Variants in ACLY observed in about 807,000 individuals in gnomAD.
The protein encoded by ACLY is ATP-citrate synthase.
Under a neutral mutation model 133.0 loss-of-function variants are expected in ACLY, and 41 were observed. That is an observed-to-expected ratio of 0.31 (90% CI 0.24 to 0.40). The LOEUF (loss-of-function observed/expected upper bound fraction) is 0.40. ACLY is among the 10% of genes least tolerant of loss of function. ACLY has a pLI of 1.00. For synonymous variants in ACLY, 495 were observed against 549.3 expected, an observed-to-expected ratio of 0.90 and a Z score of 1.38; for missense variants, 1,046 against 1,453.8, an observed-to-expected ratio of 0.72 and a Z score of 4.56.
chr17:41,868,671 TA>T (rs375623224), intron 28 of ACLY, 37 bp downstream of exon 28: 264 of 1,476,096 alleles, frequency 1.8e-4, no homozygotes, highest in South Asian at 4.6e-4. Flanking sequence ...CCGTGGGGTT[TA>T]AAAAAAAACA....
At chr17:41,922,387 A>G (rs2144454784), upstream of ACLY, among the ~76,000 whole-genome samples, 1 of 151,424 alleles carries the variant, frequency 6.6e-6, no homozygotes, top group Middle Eastern at 3.4e-3. Flanking sequence ...AAAAAAAAAA[A>G]AAAAAGATGC....
intron 22 of ACLY, among the ~76,000 whole-genome samples, chr17:41,875,950 A>G (rs1171541766): frequency 6.8e-6 from 1 of 146,924 alleles, no homozygotes; most frequent in Non-Finnish European, 1.5e-5. Flanking sequence ...CCAGTCTGGA[A>G]AGTGAGGAGC....
At position 41,889,561 on chromosome 17, in the gene ACLY, T is replaced by TAGC. The variant is rs2049150834; in HGVS notation, c.1771-1861_1771-1859dup. 2.0e-4 allele frequency among the ~76,000 whole-genome samples: 6 copies of TAGC among 29,534 alleles called. No individual in the cohort carries two copies. The South Asian group carries it at 8.1e-3, about 40-fold the overall frequency. The allele number at this position is 29,534 out of a possible 152,430, so 19.4% of individuals were successfully genotyped here. ...AAAAAAAAAAAAAAAAAAAAAGAAG[T>TAGC]AGCTCATTTTCAGCAAATGTATTTT... is the stretch of plus-strand genomic sequence containing the variant. On this transcript the variant is annotated intron_variant, in intron 16 of 28. Coordinates refer to ENST00000352035, the MANE Select transcript of ACLY (RefSeq NM_001096.3).
At chr17:41,907,166 C>T (rs1304225637) in intron 7 of ACLY, among the ~76,000 whole-genome samples, 2 of 152,024 alleles carry the variant, frequency 1.3e-5, no homozygotes, top group Non-Finnish European at 2.9e-5. Context: ...AGGATTAAGG[C>T]GAGACACTTG....
chr17:41,879,891 A>G (rs1278605943), intron 20 of ACLY, among the ~76,000 whole-genome samples: 1 of 151,204 alleles, frequency 6.6e-6, no homozygotes, highest in Non-Finnish European at 1.5e-5. Context: ...GCCTGGCTAA[A>G]AGTTTTTTGT....
intron 1 of ACLY, 101 bp downstream of exon 1, chr17:41,918,779 C>T (rs2050124708): frequency 8.0e-7 from 1 of 1,249,964 alleles, no homozygotes; most frequent in Non-Finnish European, 1.0e-6. Context: ...GCGTGGGCAC[C>T]GAGCCCGCGT....
chr17:41,884,236 T>C lies in ACLY; in HGVS notation c.2111A>G (p.Tyr704Cys), dbSNP rs782683248. The C allele has an allele frequency of 3.7e-6, 6 of 1,612,966 alleles. No homozygotes were observed. The South Asian group carries it at 5.5e-5, about 15-fold the overall frequency. The change falls in exon 19 of 29, where the codon TAT becomes TGT. Residue 704 changes from tyrosine (Y) to cysteine (C), a missense_variant. Coordinates refer to ENST00000352035, the MANE Select transcript of ACLY (RefSeq NM_001096.3). Reference sequence around the variant, plus strand: ...CATTTTGACTCCTGGAGTGTCCTGATAGCGTAACACATGATCCATGAATGT... The same window carrying C: ...CATTTTGACTCCTGGAGTGTCCTGACAGCGTAACACATGATCCATGAATGT... Reference protein sequence around the residue: ...GSTFMDHVLRYQDTPGVKMIV... With the variant: ...GSTFMDHVLRCQDTPGVKMIV...
At chr17:41,889,524 CAAAAAAAAAAAAAAAAAAA>C (rs533387140) in intron 16 of ACLY, among the ~76,000 whole-genome samples, 2 of 31,600 alleles carry the variant, frequency 6.3e-5, no homozygotes, top group Non-Finnish European at 9.6e-5. Flanking sequence ...CTCCATTTCA[CAAAAAAAAAAAAAAAAAAA>C]AAAAAAAAAA....
At chr17:41,910,364 G>C (rs2049866087) in intron 3 of ACLY, 80 bp from the exon 4 acceptor site, 2 of 1,315,222 alleles carry the variant, frequency 1.5e-6, no homozygotes, top group Admixed American at 4.0e-5. Context: ...CTGCACAGGG[G>C]TGGTGCCCAA....
At chr17:41,879,042 A>C (rs1366060655) in intron 20 of ACLY, 118 bp from the exon 21 acceptor site, 577 of 1,237,600 alleles carry the variant, frequency 4.7e-4, no homozygotes, top group Non-Finnish European at 6.1e-4. Flanking sequence ...AAGCAAGCTC[A>C]CTGAATAGGT....
chr17:41,877,309 T>G (rs2048787491), intron 22 of ACLY, among the ~76,000 whole-genome samples: 1 of 151,766 alleles, frequency 6.6e-6, no homozygotes, highest in African/African-American at 2.4e-5. Context: ...CCTGGCTAAT[T>G]TTTGTATTTT....
rs782522922 is a variant in ACLY, at chr17:41,883,245, G to A, written c.2155-13C>T. The stretch of plus-strand genomic sequence containing the variant: ...CAGTGCCCCCAATCTGCCAAGGAAT[G>A]GGGAATGAGAAAAAGCCAAGTTAGT... On this transcript the variant is annotated splice_polypyrimidine_tract_variant and intron_variant, in intron 19 of 28. Coordinates refer to ENST00000352035, the MANE Select transcript of ACLY (RefSeq NM_001096.3). 1.2e-6 allele frequency: 2 copies of A among 1,611,354 alleles called. No homozygotes were observed. The highest frequency in any genetic ancestry group is 1.3e-5 in the African/African-American group (1 of 74,990).
At chr17:41,914,297 G>A (rs905758692) in intron 1 of ACLY, among the ~76,000 whole-genome samples, 1 of 151,718 alleles carries the variant, frequency 6.6e-6, no homozygotes, top group Non-Finnish European at 1.5e-5. Flanking sequence ...CCCATCTGAG[G>A]TGGGCAGACA....
intron 20 of ACLY, among the ~76,000 whole-genome samples, chr17:41,880,797 T>C (rs1298139874): frequency 1.4e-5 from 2 of 147,244 alleles, no homozygotes; most frequent in African/African-American, 2.5e-5. Flanking sequence ...ACCCCGGAGG[T>C]GGAGCTTGCA....
chr17:41,879,413 C>CTT lies in ACLY; in HGVS notation c.2266-491_2266-490dup, dbSNP rs1190398954. Among the ~76,000 whole-genome samples the CTT allele has an allele frequency of 1.7e-3, 218 of 128,840 alleles. 2 individuals are homozygous for CTT. The highest frequency in any genetic ancestry group is 3.1e-3 in the Non-Finnish European group (183 of 59,940). 84.5% of individuals were successfully genotyped at this position (128,840 alleles called of 152,430 possible). On this transcript the variant is annotated intron_variant, in intron 20 of 28. Transcript: ENST00000352035. ...GAGCCACCACGCCTGCCCCCCCCGC[C>CTT]TTTTTTTTTTTTTTTTTTTTAAGTG... is the stretch of plus-strand genomic sequence containing the variant.
At position 41,913,778 on chromosome 17, in the gene ACLY, A is replaced by G; in HGVS notation, c.96T>C (p.Ala32=). 6.2e-7 allele frequency: 1 copy of G among 1,614,230 alleles called. No homozygotes were observed. Among genetic ancestry groups the G allele is most frequent in the South Asian group, 1.1e-5 (1 of 91,082 alleles). ...CCCAGTCTGTGTCAGGAGTGACCCG[A>G]GCATACTTGAACCGATTCTGGATGG... The part of the protein sequence containing the change: ...TSAIQNRFKY[A]RVTPDTDWAR... The change falls in exon 2 of 29, where the codon GCT becomes GCC. Residue 32 remains alanine, a synonymous_variant. Coordinates refer to ENST00000352035, the MANE Select transcript of ACLY (RefSeq NM_001096.3).
intron 1 of ACLY, among the ~76,000 whole-genome samples, chr17:41,918,168 G>C (rs367918642): frequency 6.6e-6 from 1 of 152,190 alleles, no homozygotes; most frequent in African/African-American, 2.4e-5. Flanking sequence ...CCTTTCCCCG[G>C]CCAGACTTGG....
intron 22 of ACLY, among the ~76,000 whole-genome samples, chr17:41,875,123 C>T (rs1555625825): frequency 1.3e-5 from 2 of 151,766 alleles, no homozygotes; most frequent in Admixed American, 6.6e-5. Context: ...CCAAGGCAGG[C>T]GGATCACTTG....
chr17:41,911,103 G>A (rs565114298), intron 3 of ACLY, among the ~76,000 whole-genome samples: 4 of 152,126 alleles, frequency 2.6e-5, no homozygotes, highest in Admixed American at 6.5e-5. Context: ...GTCGCTTCAC[G>A]CCTGGGTCCA....
Sources: gnomAD v4.1 joint callset for allele counts (sites outside exome capture counted in the v4.1 genomes callset) on GRCh38, gnomAD v4.1.1 for gene constraint, MANE v1.5 for transcripts, NCBI Gene and HGNC (gene_info 2026-07-23, HGNC 2026-07-21) for gene names.